The following CDH18 variants were observed in gnomAD, a reference collection of about 807,000 sequenced individuals.
The protein encoded by CDH18 is cadherin 18.
CDH18 carries 31 observed loss-of-function variants against 67.9 expected under a neutral mutation model. The ratio of observed to expected loss-of-function variants is 0.46; its 90% CI spans 0.34 to 0.62. The LOEUF is 0.62. Among genes scored for constraint, CDH18 ranks in the 20% least tolerant of loss-of-function variants. The probability of loss-of-function intolerance (pLI) is 0.01; values close to 1 mark genes in which losing one functional copy is unlikely to be tolerated. For synonymous variants in CDH18, 362 were observed against 347.2 expected (o/e 1.04, Z -0.48); for missense variants, 890 against 975.5 (o/e 0.91, Z 1.17).
intron 2 of CDH18, among the ~76,000 whole-genome samples, chr5:19,994,792 G>T (rs1264521416): frequency 1.7e-5 from 1 of 60,606 alleles, no homozygotes; most frequent in African/African-American, 6.8e-5. Context: ...GAGAGAGAGA[G>T]ATGTACATGT....
intron 1 of CDH18, among the ~76,000 whole-genome samples, chr5:20,357,226 G>C (rs1741707992): frequency 6.6e-6 from 1 of 151,974 alleles, no homozygotes; most frequent in African/African-American, 2.4e-5. Flanking sequence ...AAGGCGAAAA[G>C]AAACATGATT....
At chr5:19,620,790 A>C (rs1750572313) in intron 5 of CDH18, among the ~76,000 whole-genome samples, 1 of 152,160 alleles carries the variant, frequency 6.6e-6, no homozygotes, top group Admixed American at 6.6e-5. Flanking sequence ...TATATTTAAT[A>C]ATCATACTGA....
At chr5:19,682,084 C>G (rs1216748461) in intron 5 of CDH18, among the ~76,000 whole-genome samples, 4 of 151,986 alleles carry the variant, frequency 2.6e-5, no homozygotes, top group African/African-American at 9.7e-5. Context: ...TATTATTTCT[C>G]AACTCCAAAT....
chr5:19,872,568 G>A (rs1291592323), intron 2 of CDH18, among the ~76,000 whole-genome samples: 3 of 152,064 alleles, frequency 2.0e-5, no homozygotes, highest in African/African-American at 7.2e-5. Context: ...TCTGCAGCCA[G>A]AAAAAATGAA....
At chr5:19,694,946 G>A (rs1375248440) in intron 5 of CDH18, among the ~76,000 whole-genome samples, 3 of 151,934 alleles carry the variant, frequency 2.0e-5, no homozygotes, top group Admixed American at 1.3e-4. Flanking sequence ...ATGTTAAGAT[G>A]AAAGCAGACG....
chr5:19,758,659 T>C (rs1044304669), intron 3 of CDH18, among the ~76,000 whole-genome samples: 3 of 152,210 alleles, frequency 2.0e-5, no homozygotes, highest in South Asian at 2.1e-4. Flanking sequence ...CCACTAAGCA[T>C]TGCGCCTCTT....
intron 2 of CDH18, among the ~76,000 whole-genome samples, chr5:19,950,296 G>A (rs773597232): frequency 5.3e-5 from 8 of 151,866 alleles, no homozygotes; most frequent in African/African-American, 7.2e-5. Context: ...CGTTATGTTC[G>A]CACTTATAAG....
chr5:20,429,241 A>G (rs550289134), intron 1 of CDH18, among the ~76,000 whole-genome samples: 44 of 152,264 alleles, frequency 2.9e-4, no homozygotes, highest in Non-Finnish European at 5.7e-4. Flanking sequence ...TTTTCTTACC[A>G]CAAGGATTCA....
At chr5:19,852,244 A>G (rs1302590438) in intron 2 of CDH18, among the ~76,000 whole-genome samples, 1 of 152,008 alleles carries the variant, frequency 6.6e-6, no homozygotes, top group African/African-American at 2.4e-5. Context: ...TACCTAAGCA[A>G]GTCAAACTTC....
At chr5:20,252,923 G>A (rs867120678) in intron 2 of CDH18, among the ~76,000 whole-genome samples, 2 of 144,684 alleles carry the variant, frequency 1.4e-5, no homozygotes, top group South Asian at 2.3e-4. Context: ...GCAACAGAGC[G>A]AGACTCCACC....
chr5:19,964,903 T>G (rs1797278311), intron 2 of CDH18, among the ~76,000 whole-genome samples: 1 of 152,086 alleles, frequency 6.6e-6, no homozygotes, highest in South Asian at 2.1e-4. Context: ...ATATGACCAT[T>G]AAAGATATAA....
rs74368540 is a variant in CDH18, at chr5:20,412,180, T to C, written c.-579-156675A>G. On this transcript the variant is annotated intron_variant, in intron 1 of 14. Transcript: ENST00000507958. ...AAACAACATGGGACCAGTACAACAA[T>C]AGTCACATAGATCAATGGAACATAA... Among the ~76,000 whole-genome samples, 33 of 152,096 alleles carry C rather than the reference T, an allele frequency of 2.2e-4. No homozygotes were observed. The East Asian group carries it at 5.2e-3, about 24-fold the overall frequency.
At chr5:20,335,531 A>G (rs1462923235) in intron 1 of CDH18, among the ~76,000 whole-genome samples, 2 of 152,108 alleles carry the variant, frequency 1.3e-5, no homozygotes, top group East Asian at 1.9e-4. Context: ...CACATTCCCA[A>G]TGAGGACATT....
At chr5:20,570,639 G>T (rs1291636060) in intron 1 of CDH18, among the ~76,000 whole-genome samples, 3 of 152,078 alleles carry the variant, frequency 2.0e-5, no homozygotes, top group African/African-American at 7.2e-5. Context: ...CCTGGGCCAA[G>T]ATCCTCTCAT....
chr5:19,930,703 C>T (rs1202635791), intron 2 of CDH18, among the ~76,000 whole-genome samples: 1 of 152,000 alleles, frequency 6.6e-6, no homozygotes, highest in Non-Finnish European at 1.5e-5. Context: ...GTCAAGGAAA[C>T]AGCTGGCTGA....
intron 1 of CDH18, among the ~76,000 whole-genome samples, chr5:20,259,728 G>A (rs1744503176): frequency 6.6e-6 from 1 of 152,102 alleles, no homozygotes; most frequent in South Asian, 2.1e-4. Flanking sequence ...AGCCATTTGT[G>A]GATGTTCAGC....
At chr5:20,501,556 A>ATATACATATT (rs1491463446) in intron 1 of CDH18, among the ~76,000 whole-genome samples, 1 of 58,448 alleles carries the variant, frequency 1.7e-5, no homozygotes, top group Admixed American at 2.0e-4. Flanking sequence ...TTATATATAT[A>ATATACATATT]ATATATATAT....
intron 8 of CDH18, among the ~76,000 whole-genome samples, chr5:19,553,624 G>T: frequency 6.8e-6 from 1 of 146,412 alleles, no homozygotes; most frequent in African/African-American, 2.6e-5. Flanking sequence ...ACCACAACTT[G>T]GTCTCATACT....
intron 1 of CDH18, among the ~76,000 whole-genome samples, chr5:20,320,157 G>A (rs532227391): frequency 6.6e-6 from 1 of 152,038 alleles, no homozygotes; most frequent in Non-Finnish European, 1.5e-5. Flanking sequence ...GTGCTTGTTG[G>A]GATGGATTGT....
Sources: gnomAD v4.1 joint callset for allele counts (sites outside exome capture counted in the v4.1 genomes callset) on GRCh38, gnomAD v4.1.1 for gene constraint, MANE v1.5 for transcripts, NCBI Gene and HGNC (gene_info 2026-07-23, HGNC 2026-07-21) for gene names.